ACBD6: variants seen among roughly 807,000 people sequenced by gnomAD.
ACBD6 encodes the protein acyl-CoA binding domain containing 6.
ACBD6 carries 28 observed loss-of-function variants against 37.2 expected under a neutral mutation model. The ratio of observed to expected loss-of-function variants is 0.75; its 90% CI spans 0.56 to 1.03. The LOEUF (loss-of-function observed/expected upper bound fraction) is 1.03, where lower values mean the gene tolerates loss of function less well. Among genes scored for constraint, ACBD6 ranks in the 50% least tolerant of loss-of-function variants. ACBD6 has a pLI of 0.00. For missense variants in ACBD6, 340 were observed against 337.4 expected (o/e 1.01, Z -0.06); for synonymous variants, 113 against 126.8 (o/e 0.89, Z 0.73).
At chr1:180,345,771 A>G (rs780091274) in intron 6 of ACBD6, among the ~76,000 whole-genome samples, 2 of 152,178 alleles carry the variant, frequency 1.3e-5, no homozygotes, top group African/African-American at 2.4e-5. Context: ...AAGCAATTAA[A>G]CCAAAAAGCA....
At chr1:180,493,394 C>T (rs1003680440) in intron 2 of ACBD6, among the ~76,000 whole-genome samples, 14 of 152,086 alleles carry the variant, frequency 9.2e-5, no homozygotes, top group African/African-American at 3.4e-4. Context: ...CCCCTGCCCC[C>T]ACAACAGGCT....
At chr1:180,423,007 A>G (rs1020288852) in intron 4 of ACBD6, among the ~76,000 whole-genome samples, 1 of 152,170 alleles carries the variant, frequency 6.6e-6, no homozygotes, top group African/African-American at 2.4e-5. Flanking sequence ...GGCACCAGAT[A>G]TGGTCTGCTA....
Position 180,274,359 on chromosome 1 carries a change from C to T in ACBD6, c.*937-247G>A, listed in dbSNP as rs766990314. 35 of 1,614,106 alleles carry T rather than the reference C, an allele frequency of 2.2e-5. No homozygotes were observed. Among genetic ancestry groups the T allele is most frequent in the East Asian group, 4.5e-5 (2 of 44,886 alleles). ...ATCCCCCAGTCTCCATCCTCCATATCGTCCCTGCCATCCCACGCTCCTTTG... is the reference window on the plus strand; with the variant it reads ...ATCCCCCAGTCTCCATCCTCCATATTGTCCCTGCCATCCCACGCTCCTTTG... On this transcript the variant is annotated intron_variant, in intron 10 of 13. Coordinates refer to the ACBD6 transcript ENST00000642319.
intron 2 of ACBD6, 99 bp downstream of exon 2, chr1:180,495,362 T>C: frequency 2.4e-6 from 2 of 839,442 alleles, no homozygotes; most frequent in Non-Finnish European, 3.7e-6. Context: ...AGAGAGAGAT[T>C]AATATAAAAA....
chr1:180,338,209 A>T (rs1178505042), intron 6 of ACBD6, among the ~76,000 whole-genome samples: 5 of 152,240 alleles, frequency 3.3e-5, no homozygotes, highest in Non-Finnish European at 7.3e-5. Flanking sequence ...CCAAAAAAAG[A>T]GCCCACATTG....
intron 5 of ACBD6, among the ~76,000 whole-genome samples, chr1:180,402,589 C>A (rs1261216115): frequency 6.6e-6 from 1 of 152,124 alleles, no homozygotes; most frequent in Non-Finnish European, 1.5e-5. Context: ...AAGGCCAAAG[C>A]GGGCAAGTAT....
At chr1:180,480,779 C>A (rs1468159794) in intron 3 of ACBD6, among the ~76,000 whole-genome samples, 1 of 152,062 alleles carries the variant, frequency 6.6e-6, no homozygotes, top group African/African-American at 2.4e-5. Context: ...TGCCTGTAAT[C>A]TAGCACTTTG....
chr1:180,450,638 T>C (rs1276814424), intron 3 of ACBD6, among the ~76,000 whole-genome samples: 1 of 152,112 alleles, frequency 6.6e-6, no homozygotes, highest in Non-Finnish European at 1.5e-5. Context: ...CAGGCGCCTG[T>C]AGTCCCAGCT....
chr1:180,419,022 C>T (rs532143538), intron 4 of ACBD6, among the ~76,000 whole-genome samples: 3 of 152,314 alleles, frequency 2.0e-5, no homozygotes, highest in Admixed American at 1.3e-4. Context: ...GAGGCCGAGG[C>T]GGGTGGATCA....
At chr1:180,274,048 T>A (rs1648863051) in exon 11 of ACBD6, 2 of 1,070,472 alleles carry the variant, frequency 1.9e-6, no homozygotes, top group African/African-American at 1.5e-5. Context: ...TATTGGTGTG[T>A]CTGACCCATG....
chr1:180,301,012 C>A (rs1283723745), intron 7 of ACBD6, among the ~76,000 whole-genome samples: 1 of 152,158 alleles, frequency 6.6e-6, no homozygotes, highest in African/African-American at 2.4e-5. Flanking sequence ...AGTGTCTTGG[C>A]TCTGCAACCT....
intron 6 of ACBD6, among the ~76,000 whole-genome samples, chr1:180,365,154 ACTC>A (rs1653009021): frequency 6.6e-6 from 1 of 152,094 alleles, no homozygotes; most frequent in African/African-American, 2.4e-5. Context: ...AAGGTTATAA[ACTC>A]CTCAAAAGTC....
chr1:180,402,346 T>G (rs906313504), intron 5 of ACBD6, among the ~76,000 whole-genome samples: 8 of 152,204 alleles, frequency 5.3e-5, no homozygotes, highest in Non-Finnish European at 5.9e-5. Flanking sequence ...AGCCAATGAC[T>G]GCTTGTGGGA....
intron 4 of ACBD6, among the ~76,000 whole-genome samples, chr1:180,425,191 G>C (rs1648533388): frequency 6.6e-6 from 1 of 152,138 alleles, no homozygotes; most frequent in Admixed American, 6.5e-5. Context: ...AGGAGGAAGG[G>C]AGCCATGAGT....
chr1:180,413,513 C>T, intron 4 of ACBD6, 42 bp from the exon 5 acceptor site: 1 of 1,387,782 alleles, frequency 7.2e-7, no homozygotes, highest in South Asian at 1.2e-5. Flanking sequence ...CTGGGTAATA[C>T]ATTAAAGTTA....
chr1:180,457,761 C>CA (rs973753935), intron 3 of ACBD6, among the ~76,000 whole-genome samples: 1 of 148,668 alleles, frequency 6.7e-6, no homozygotes, highest in African/African-American at 2.5e-5. Context: ...TGCATTATTC[C>CA]AAAAAAGTCT....
chr1:180,339,351 A>G (rs1225932318), intron 6 of ACBD6, among the ~76,000 whole-genome samples: 1 of 152,266 alleles, frequency 6.6e-6, no homozygotes, highest in Admixed American at 6.5e-5. Context: ...CTATGCAGCC[A>G]TAAAAAATGA....
chr1:180,274,370 T>C (rs1446081218), intron 10 of ACBD6: 1 of 1,614,042 alleles, frequency 6.2e-7, no homozygotes. Flanking sequence ...GTCCCTGCCA[T>C]CCCACGCTCC....
chr1:180,495,331 C>A, intron 2 of ACBD6, 130 bp downstream of exon 2: 1 of 637,394 alleles, frequency 1.6e-6, no homozygotes, highest in Non-Finnish European at 2.6e-6. Context: ...AATTGCCTGT[C>A]ATTAGTACAA....
Sources: gnomAD v4.1 joint callset for allele counts (sites outside exome capture counted in the v4.1 genomes callset) on GRCh38, gnomAD v4.1.1 for gene constraint, MANE v1.5 for transcripts, NCBI Gene and HGNC (gene_info 2026-07-23, HGNC 2026-07-21) for gene names.